The following HDAC10 variants were observed in gnomAD, a reference collection of about 807,000 sequenced individuals.
HDAC10 encodes histone deacetylase 10, also known as polyamine deacetylase HDAC10.
A neutral mutation model predicts 82.3 loss-of-function variants in HDAC10; 90 were observed. The observed-to-expected ratio is 1.09, with a 90% confidence interval of 0.92 to 1.30. The LOEUF (loss-of-function observed/expected upper bound fraction) is 1.30, where lower values mean the gene tolerates loss of function less well. HDAC10 is among the 50% of genes most tolerant of loss of function. The pLI, the probability that HDAC10 is intolerant of heterozygous loss-of-function variation, is 0.00. For synonymous variants in HDAC10, 456 were observed against 391.7 expected, an observed-to-expected ratio of 1.16 and a Z score of -1.94; for missense variants, 934 against 876.3, an observed-to-expected ratio of 1.07 and a Z score of -0.83.
Position 50,251,226 on chromosome 22 carries a change from G to A in HDAC10, c.-194C>T, listed in dbSNP as rs1569138161. ...GGGATCCCAGGCGCGCAGAAGGCACGGAGCGAGGCTGCAGTCGAAGGGGGA... is the reference window on the plus strand; with the variant it reads ...GGGATCCCAGGCGCGCAGAAGGCACAGAGCGAGGCTGCAGTCGAAGGGGGA... On this transcript the variant is annotated 5_prime_UTR_variant, in exon 1 of 20. Transcript: ENST00000216271. 12 of 566,202 alleles carry A rather than the reference G, an allele frequency of 2.1e-5. No individual in the cohort carries two copies. In the South Asian group the frequency reaches 2.5e-4, roughly 12 times the overall value. The allele number at this position is 566,202 out of a possible 1,614,324, so 35.1% of individuals were successfully genotyped here.
Position 50,249,841 on chromosome 22 carries a change from C to T in HDAC10, c.494+19G>A, listed in dbSNP as rs1241218818. 1.9e-6 allele frequency: 3 copies of T among 1,609,288 alleles called. No homozygotes were observed. Among genetic ancestry groups the T allele is most frequent in the African/African-American group, 2.7e-5 (2 of 74,824 alleles). On this transcript the variant is annotated intron_variant, in intron 5 of 19. Coordinates refer to ENST00000216271, the MANE Select transcript of HDAC10 (RefSeq NM_032019.6). The surrounding 1 kb of genome is among the most constrained non-coding windows in gnomAD (Gnocchi z 4.4). Reference sequence around the variant, plus strand: ...TGTGTGGCCTGGGCCCACCCCCCTGCAGCCAGCCTGGCACACACCTGTGTA... The same window carrying T: ...TGTGTGGCCTGGGCCCACCCCCCTGTAGCCAGCCTGGCACACACCTGTGTA...
intron 14 of HDAC10, 184 bp from the exon 15 acceptor site, chr22:50,247,150 T>TC (rs2064972809): frequency 2.0e-6 from 1 of 498,512 alleles, no homozygotes; most frequent in African/African-American, 2.0e-5. Flanking sequence ...TTTTTTTTTT[T>TC]TTTTAGAGAG....
chr22:50,251,025 G>A lies in HDAC10; in HGVS notation c.8C>T (p.Thr3Ile). MG[T>I]ALVYHEDMTA... The stretch of plus-strand genomic sequence containing the variant: ...CATGTCCTCATGGTACACAAGCGCG[G>A]TCCCCATGGCTGCGCCGTGGTCACC... The change falls in exon 1 of 20, where the codon ACC (threonine) becomes ATC (isoleucine). Residue 3 changes from threonine to isoleucine, a missense_variant. Thr to Ile is a moderately conservative substitution (Grantham distance 89, BLOSUM62 -1). Transcript: ENST00000216271. 2 of 1,611,378 alleles carry A rather than the reference G, an allele frequency of 1.2e-6. No homozygotes were observed. Among genetic ancestry groups the A allele is most frequent in the Non-Finnish European group, 1.7e-6 (2 of 1,178,904 alleles).
rs199652121 is a variant in HDAC10, at chr22:50,249,493, G to A, written c.564-39C>T. On this transcript the variant is annotated intron_variant, in intron 6 of 19. Transcript: ENST00000216271. The surrounding 1 kb of genome is among the most constrained non-coding windows in gnomAD (Gnocchi z 4.4). ...GCCAGGGCCAGAGGTCAAAGGTCAGGACCCTCAACAGCTCTACAGCTCCCT... is the reference window on the plus strand; with the variant it reads ...GCCAGGGCCAGAGGTCAAAGGTCAGAACCCTCAACAGCTCTACAGCTCCCT... 9.9e-6 allele frequency: 16 copies of A among 1,611,318 alleles called. No individual in the cohort carries two copies. Among genetic ancestry groups the A allele is most frequent in the African/African-American group, 2.7e-5 (2 of 74,868 alleles).
At position 50,245,995 on chromosome 22, in the gene HDAC10, T is replaced by C. The variant is rs753292399; in HGVS notation, c.1748A>G (p.His583Arg). 56 of 1,611,402 alleles carry C rather than the reference T, an allele frequency of 3.5e-5. No individual in the cohort carries two copies. The highest frequency in any genetic ancestry group is 4.7e-5 in the Non-Finnish European group (55 of 1,179,464). Reference protein sequence around the residue: ...DLVLVALGPGHGLQGPHAALL... With the variant: ...DLVLVALGPGRGLQGPHAALL... ...TGCAGCGTGGGGGCCCTGCAGGCCA[T>C]GGCCAGGCCCCAGCGCCACCAGCAC... The change falls in exon 18 of 20, where the codon CAT becomes CGT. Residue 583 changes from histidine (H) to arginine (R), a missense_variant. By Grantham distance (29) the His-to-Arg change is conservative. Transcript: ENST00000216271.
intron 3 of HDAC10, 27 bp from the exon 4 acceptor site, chr22:50,250,187 C>A: frequency 6.3e-7 from 1 of 1,588,270 alleles, no homozygotes; most frequent in Non-Finnish European, 8.6e-7. Flanking sequence ...GCAGATGAGC[C>A]CCCTGCCTTC....
At position 50,246,668 on chromosome 22, in the gene HDAC10, G is replaced by A; in HGVS notation, c.1571+11C>T. 1.2e-6 allele frequency: 2 copies of A among 1,610,670 alleles called. No homozygotes were observed. The highest frequency in any genetic ancestry group is 1.3e-5 in the African/African-American group (1 of 74,970). ...GCATGGCTGGACATATGCAAGACCTGAGAGTCCTACCCGTCATGGGCGAGG... is the reference window on the plus strand; with the variant it reads ...GCATGGCTGGACATATGCAAGACCTAAGAGTCCTACCCGTCATGGGCGAGG... On this transcript the variant is annotated intron_variant, in intron 16 of 19. Coordinates refer to ENST00000216271, the MANE Select transcript of HDAC10 (RefSeq NM_032019.6).
chr22:50,249,673 A>G lies in HDAC10; in HGVS notation c.525T>C (p.His175=). 1.9e-6 allele frequency: 3 copies of G among 1,612,876 alleles called. No homozygotes were observed. Among genetic ancestry groups the G allele is most frequent in the Non-Finnish European group, 2.5e-6 (3 of 1,179,980 alleles). The change falls in exon 6 of 20, where the codon CAT becomes CAC. Residue 175 remains histidine, a synonymous_variant. Coordinates refer to ENST00000216271, the MANE Select transcript of HDAC10 (RefSeq NM_032019.6). This position sits in a 1 kb window ranked among gnomAD's most constrained non-coding sequence, Gnocchi z 4.4. ...CAAAGAGATACTGGATCCCCTGGCC[A>G]TGGTGCACATCCCAGTCCACGACGA... ...RILVVDWDVH[H]GQGIQYLFED...
chr22:50,245,854 G>A (rs1212663646), intron 18 of HDAC10, 27 bp from the exon 19 acceptor site: 2 of 1,557,014 alleles, frequency 1.3e-6, no homozygotes, highest in Non-Finnish European at 1.7e-6. Context: ...GACGGAAGCA[G>A]TCACTGGTCC....
At chr22:50,247,165 G>A (rs1414823200) in intron 14 of HDAC10, 199 bp from the exon 15 acceptor site, 1 of 469,724 alleles carries the variant, frequency 2.1e-6, no homozygotes, top group African/African-American at 2.0e-5. Flanking sequence ...AGAGAGGCAG[G>A]GTCTCGTTCT....
rs1183955473 is a variant in HDAC10, at chr22:50,249,570, C to T, written c.563+65G>A. On this transcript the variant is annotated intron_variant, in intron 6 of 19. Transcript: ENST00000216271. The surrounding 1 kb of genome is among the most constrained non-coding windows in gnomAD (Gnocchi z 4.4). The stretch of plus-strand genomic sequence containing the variant: ...TCTGTATCTCACCCCTGGATTTTCC[C>T]AGGCCAGGCTGTGCACCCAAAAACT... The T allele has an allele frequency of 1.2e-6, 2 of 1,607,952 alleles. No individual in the cohort carries two copies. Among genetic ancestry groups the T allele is most frequent in the Non-Finnish European group, 1.7e-6 (2 of 1,176,188 alleles).
chr22:50,245,282 C>G lies in HDAC10; in HGVS notation c.*225G>C, dbSNP rs1254394062. 5 of 601,214 alleles carry G rather than the reference C, an allele frequency of 8.3e-6. No homozygotes were observed. The highest frequency in any genetic ancestry group is 1.5e-5 in the Non-Finnish European group (5 of 339,440). The allele number at this position is 601,214 out of a possible 1,614,324, so 37.2% of individuals were successfully genotyped here. ...GACCGAGCGTGGGTTGCATGGGCCT[C>G]GATGGGACGGGCCGGGGCGCGATGG... On this transcript the variant is annotated 3_prime_UTR_variant, in exon 20 of 20. Transcript: ENST00000216271.
In HDAC10 at chr22:50,249,912, T is replaced by C; in HGVS notation, c.442A>G (p.Asn148Asp). The change falls in exon 5 of 20, where the codon AAC (asparagine) becomes GAC (aspartate). Residue 148 changes from asparagine (N) to aspartate (D), a missense_variant. Asn to Asp is a conservative substitution (Grantham distance 23). Coordinates refer to ENST00000216271, the MANE Select transcript of HDAC10 (RefSeq NM_032019.6). The surrounding 1 kb of genome is among the most constrained non-coding windows in gnomAD (Gnocchi z 4.4). The stretch of plus-strand genomic sequence containing the variant: ...TGTGCAGCTGCTATGGCCACGTTGT[T>C]GAACACACAGAACCCGTTGGCAGCC... ...RAAANGFCVF[N>D]NVAIAAAHAK... The C allele has an allele frequency of 1.2e-6, 2 of 1,612,918 alleles. No individual in the cohort carries two copies. Among genetic ancestry groups the C allele is most frequent in the East Asian group, 2.2e-5 (1 of 44,866 alleles).
At chr22:50,247,392 C>A in intron 14 of HDAC10, 2 of 351,424 alleles carry the variant, frequency 5.7e-6, no homozygotes, top group Non-Finnish European at 5.2e-6. Context: ...CTTGGCCCCC[C>A]AAACTGCCGT....
chr22:50,247,007 A>G (rs747404592), intron 14 of HDAC10, 41 bp from the exon 15 acceptor site: 2 of 1,335,244 alleles, frequency 1.5e-6, no homozygotes, highest in African/African-American at 1.5e-5. Context: ...GCACCAACCA[A>G]CTCCCAAGCC....
In HDAC10 at chr22:50,245,673, A is replaced by C; in HGVS notation, c.1986+2T>G. 3 of 1,612,256 alleles carry C rather than the reference A, an allele frequency of 1.9e-6. No homozygotes were observed. The highest frequency in any genetic ancestry group is 2.5e-6 in the Non-Finnish European group (3 of 1,179,606). On this transcript the variant is annotated splice_donor_variant, in intron 19 of 19. Transcript: ENST00000216271. LOFTEE classifies it high-confidence loss of function. Reference sequence around the variant, plus strand: ...GGGCCATGCCTCCGCAGTCAGCCTCACCTGCAACATCTTCCACTGAGGCTC... The same window carrying C: ...GGGCCATGCCTCCGCAGTCAGCCTCCCCTGCAACATCTTCCACTGAGGCTC...
At chr22:50,247,113 G>T in intron 14 of HDAC10, 147 bp from the exon 15 acceptor site, 2 of 512,048 alleles carry the variant, frequency 3.9e-6, no homozygotes, top group South Asian at 3.1e-5. Flanking sequence ...CTCCATTTCT[G>T]TAAATAAGAT....
Position 50,250,504 on chromosome 22 carries a change from C to T in HDAC10, c.214G>A (p.Val72Ile). 2 of 1,612,756 alleles carry T rather than the reference C, an allele frequency of 1.2e-6. No homozygotes were observed. The highest frequency in any genetic ancestry group is 8.5e-7 in the Non-Finnish European group (1 of 1,179,866). Residue 72 changes from valine (V) to isoleucine (I), a missense_variant, in exon 3 of 20, where the codon GTC becomes ATC. Val to Ile is a conservative substitution (Grantham distance 29, BLOSUM62 3). Coordinates refer to ENST00000216271, the MANE Select transcript of HDAC10 (RefSeq NM_032019.6). ...LVHSPEYVSL[V>I]RETQVLGKEE... ...TTGCCTAGGACCTGGGTCTCCCTGACCAGGGATACATACTCTGGGCTGCAT... is the reference window on the plus strand; with the variant it reads ...TTGCCTAGGACCTGGGTCTCCCTGATCAGGGATACATACTCTGGGCTGCAT...
chr22:50,246,827 C>T, intron 15 of HDAC10, 48 bp downstream of exon 15: 1 of 1,591,324 alleles, frequency 6.3e-7, no homozygotes, highest in Non-Finnish European at 8.6e-7. Flanking sequence ...GATAGGGGTG[C>T]CCACAGGTCC....
Sources: allele counts gnomAD v4.1 joint callset, GRCh38; gene constraint gnomAD v4.1.1; non-coding constraint Gnocchi (gnomAD v3.1); transcripts MANE v1.5; gene names NCBI Gene and HGNC (gene_info 2026-07-23, HGNC 2026-07-21).